The following KIF26B variants were observed in gnomAD, a reference collection of about 807,000 sequenced individuals.
KIF26B encodes the protein kinesin family member 26B.
In KIF26B, 63 loss-of-function variants were observed where a neutral mutation model predicts 151.2. The observed-to-expected ratio is 0.42, with a 90% CI of 0.34 to 0.51. The LOEUF (loss-of-function observed/expected upper bound fraction) is 0.51. KIF26B is among the 20% of genes least tolerant of loss of function. KIF26B has a pLI of 0.07. For missense variants in KIF26B, 2,813 were observed against 2,913.6 expected, an observed-to-expected ratio of 0.97 and a Z score of 0.79; for synonymous variants, 1,357 against 1,262.1, an observed-to-expected ratio of 1.08 and a Z score of -1.59.
intron 4 of KIF26B, among the ~76,000 whole-genome samples, chr1:245,506,027 T>C (rs1660723133): frequency 6.6e-6 from 1 of 152,238 alleles, no homozygotes; most frequent in Admixed American, 6.5e-5. Flanking sequence ...CATTAGACTT[T>C]CTTCCTTGCA....
At chr1:245,200,741 C>T (rs767471729) in intron 2 of KIF26B, among the ~76,000 whole-genome samples, 105 of 152,248 alleles carry the variant, frequency 6.9e-4, no homozygotes, top group African/African-American at 2.4e-3. Context: ...TCATAGAGAA[C>T]GCAGCTTTAA....
At chr1:245,561,666 AC>A (rs1283306537) in intron 5 of KIF26B, among the ~76,000 whole-genome samples, 2 of 151,998 alleles carry the variant, frequency 1.3e-5, no homozygotes, top group African/African-American at 4.8e-5. Context: ...TTTGTACATA[AC>A]TCATTTGCAT....
intron 5 of KIF26B, among the ~76,000 whole-genome samples, chr1:245,556,986 TTATG>T (rs1313436246): frequency 6.6e-6 from 1 of 152,128 alleles, no homozygotes; most frequent in East Asian, 1.9e-4. Context: ...GAGAGTTACA[TTATG>T]TAACACACTG....
intron 12 of KIF26B, among the ~76,000 whole-genome samples, chr1:245,695,040 T>C (rs2044673283): frequency 6.6e-6 from 1 of 152,156 alleles, no homozygotes; most frequent in Non-Finnish European, 1.5e-5. Context: ...GCTTCCCCTG[T>C]ACCTTTCTTA....
At chr1:245,173,540 C>T (rs1353712643) in intron 2 of KIF26B, among the ~76,000 whole-genome samples, 1 of 152,102 alleles carries the variant, frequency 6.6e-6, no homozygotes, top group Non-Finnish European at 1.5e-5. Flanking sequence ...CACGTTTGAT[C>T]CACCCTATGA....
At chr1:245,559,126 C>T (rs576944634) in intron 5 of KIF26B, among the ~76,000 whole-genome samples, 5 of 152,294 alleles carry the variant, frequency 3.3e-5, no homozygotes, top group African/African-American at 7.2e-5. Flanking sequence ...GCAGAAGGAT[C>T]GCTTGAGCCC....
At chr1:245,621,748 G>A (rs561384913) in intron 9 of KIF26B, among the ~76,000 whole-genome samples, 1 of 152,336 alleles carries the variant, frequency 6.6e-6, no homozygotes, top group South Asian at 2.1e-4. Flanking sequence ...ATAGCAAGTG[G>A]CCTGTGCTGA....
chr1:245,410,708 C>A (rs1194551095), intron 3 of KIF26B, among the ~76,000 whole-genome samples: 4 of 152,166 alleles, frequency 2.6e-5, no homozygotes, highest in Non-Finnish European at 4.4e-5. Flanking sequence ...CCTCGGCCCC[C>A]CAAAGGCTTG....
At chr1:245,339,591 GAAGT>G (rs1298059509) in intron 2 of KIF26B, among the ~76,000 whole-genome samples, 1 of 152,156 alleles carries the variant, frequency 6.6e-6, no homozygotes, top group Admixed American at 6.5e-5. Flanking sequence ...TTGGGATGTG[GAAGT>G]AAGTGCCATT....
At chr1:245,596,524 CTGTT>C (rs1281194774) in intron 5 of KIF26B, among the ~76,000 whole-genome samples, 1 of 152,086 alleles carries the variant, frequency 6.6e-6, no homozygotes, top group Non-Finnish European at 1.5e-5. Context: ...GTCTGAGAGA[CTGTT>C]TGTTATGATT....
rs56893913 is a variant in KIF26B at position 245,652,102 on chromosome 1, CTGTGTGTGTGTG to C, written c.2258+5855_2258+5866del. Among the ~76,000 whole-genome samples the C allele has an allele frequency of 1.1e-3, 150 of 136,432 alleles. 1 individual carries two copies. Among genetic ancestry groups the C allele is most frequent in the South Asian group, 3.2e-3 (13 of 4,108 alleles). The allele number at this position is 136,432 out of a possible 152,430, so 89.5% of individuals were successfully genotyped here. On this transcript the variant is annotated intron_variant, in intron 10 of 14. Transcript: ENST00000407071. ...GAAACGGAGAGGTTCATGTAAGAAT[CTGTGTGTGTGTG>C]TGTGTGTGTGTGTGTGTGTGTGTGT...
At chr1:245,185,557 T>C (rs1179575102) in intron 2 of KIF26B, among the ~76,000 whole-genome samples, 3 of 152,236 alleles carry the variant, frequency 2.0e-5, no homozygotes, top group African/African-American at 7.2e-5. Flanking sequence ...CAACAAACAC[T>C]GTGGTCTGTC....
intron 10 of KIF26B, among the ~76,000 whole-genome samples, chr1:245,654,581 A>C (rs1455737140): frequency 6.6e-6 from 1 of 152,196 alleles, no homozygotes; most frequent in Non-Finnish European, 1.5e-5. Flanking sequence ...TCATGGAGCC[A>C]CTTCCCACGC....
chr1:245,567,064 T>C (rs567130023), intron 5 of KIF26B, among the ~76,000 whole-genome samples: 2 of 152,338 alleles, frequency 1.3e-5, no homozygotes, highest in South Asian at 4.1e-4. Context: ...TGGAGAGCCC[T>C]GCACCCCAGC....
intron 2 of KIF26B, among the ~76,000 whole-genome samples, chr1:245,207,419 C>A (rs1324198241): frequency 1.3e-5 from 2 of 152,142 alleles, no homozygotes; most frequent in Non-Finnish European, 2.9e-5. Context: ...ACTTGAAAGA[C>A]AACTTTGGCG....
chr1:245,238,553 AT>A (rs1224717425), intron 2 of KIF26B, among the ~76,000 whole-genome samples: 1 of 151,424 alleles, frequency 6.6e-6, no homozygotes. Context: ...AAAGTCCTCA[AT>A]TTTTTTTATT....
intron 9 of KIF26B, among the ~76,000 whole-genome samples, chr1:245,626,103 C>G (rs2043721210): frequency 6.6e-6 from 1 of 152,124 alleles, no homozygotes; most frequent in South Asian, 2.1e-4. Flanking sequence ...AGCACATTTT[C>G]TTGGTCCCGT....
chr1:245,440,681 C>G (rs993836767), intron 4 of KIF26B, among the ~76,000 whole-genome samples: 1 of 152,234 alleles, frequency 6.6e-6, no homozygotes, highest in Admixed American at 6.5e-5. Context: ...GTCCAATACA[C>G]TAGCCCTTCT....
intron 2 of KIF26B, among the ~76,000 whole-genome samples, chr1:245,357,060 G>A (rs966655880): frequency 2.0e-5 from 3 of 152,170 alleles, no homozygotes; most frequent in African/African-American, 7.2e-5. Context: ...AGGCTTTCAT[G>A]GCTGGTTCAG....
Sources: allele counts gnomAD v4.1 joint callset (sites outside exome capture counted in the v4.1 genomes callset), GRCh38; gene constraint gnomAD v4.1.1; transcripts MANE v1.5; gene names NCBI Gene and HGNC (gene_info 2026-07-23, HGNC 2026-07-21).